Variants in GLYR1 observed in about 807,000 individuals in gnomAD.
The protein encoded by GLYR1 is glyoxylate reductase 1 homolog, also known as cytokine-like nuclear factor N-PAC.
A neutral mutation model predicts 72.7 loss-of-function variants in GLYR1; 21 were observed. That is an observed-to-expected ratio of 0.29 (90% CI 0.20 to 0.42). GLYR1 has a LOEUF of 0.42. Among genes scored for constraint, GLYR1 ranks in the 10% least tolerant of loss-of-function variants. The pLI, the probability that GLYR1 is intolerant of heterozygous loss-of-function variation, is 1.00. For synonymous variants in GLYR1, 392 were observed against 270.2 expected (o/e 1.45, Z -4.42); for missense variants, 594 against 712.1 (o/e 0.83, Z 1.89).
At chr16:4,817,986 A>C (rs1158073709) in intron 9 of GLYR1, 1 of 312,622 alleles carries the variant, frequency 3.2e-6, no homozygotes, top group African/African-American at 2.2e-5. Flanking sequence ...TCCCAGGGCA[A>C]AGTCCCCTTG....
Position 4,832,930 on chromosome 16 carries a change from C to CA in GLYR1, c.156-19dup. The CA allele has an allele frequency of 1.2e-6, 2 of 1,601,922 alleles. No homozygotes were observed. Among genetic ancestry groups the CA allele is most frequent in the East Asian group, 4.5e-5 (2 of 44,676 alleles). On this transcript the variant is annotated intron_variant, in intron 3 of 15. Transcript: ENST00000321919. ...TCCAGGCACTAGCAGAAAACAAACA[C>CA]AAAAAGGGTGTGAACCATATAGCAT...
In GLYR1 at chr16:4,832,154, TTTGGCCTAC is replaced by T; in HGVS notation, c.353_361del (p.Ser118_Pro120del). ...AAGTTTGCGCTTCTCATCACCTGAGTTTGGCCTACTTCTCTCCTCACTGGAATTACGTCG... is the reference window on the plus strand; with the variant it reads ...AAGTTTGCGCTTCTCATCACCTGAGTTTCTCTCCTCACTGGAATTACGTCG... On this transcript the variant is annotated inframe_deletion, in exon 5 of 16. Transcript: ENST00000321919. 1.2e-6 allele frequency: 2 copies of T among 1,614,178 alleles called. No individual in the cohort carries two copies. Among genetic ancestry groups the T allele is most frequent in the Non-Finnish European group, 1.7e-6 (2 of 1,180,028 alleles).
At chr16:4,815,138 C>T (rs757146370) in intron 10 of GLYR1, among the ~76,000 whole-genome samples, 1 of 151,802 alleles carries the variant, frequency 6.6e-6, no homozygotes, top group African/African-American at 2.4e-5. Context: ...CAAGGTTTTG[C>T]TCTGTCACCC....
At chr16:4,820,574 TAC>T (rs1339719423) in intron 9 of GLYR1, among the ~76,000 whole-genome samples, 1 of 152,170 alleles carries the variant, frequency 6.6e-6, no homozygotes, top group Non-Finnish European at 1.5e-5. Flanking sequence ...TCCTCCACTC[TAC>T]AGAGACAAGT....
At chr16:4,830,221 CT>C (rs35409655) in intron 5 of GLYR1, among the ~76,000 whole-genome samples, 3,866 of 123,528 alleles carry the variant, frequency 0.031, 105 homozygotes, top group African/African-American at 0.081. Flanking sequence ...CCAACTTTGT[CT>C]TTTTTTTTTT....
chr16:4,846,355 C>T (rs2086059156), intron 1 of GLYR1, 145 bp from the exon 2 acceptor site: 1 of 856,054 alleles, frequency 1.2e-6, no homozygotes, highest in Non-Finnish European at 2.0e-6. Context: ...GGCCCAACAC[C>T]CTCAGAAGTA....
chr16:4,843,364 A>G, intron 3 of GLYR1: 1 of 626,384 alleles, frequency 1.6e-6, no homozygotes, highest in Non-Finnish European at 2.2e-6. Flanking sequence ...CATGTTGGCC[A>G]GGATGGTCTC....
intron 3 of GLYR1, among the ~76,000 whole-genome samples, chr16:4,834,155 C>A (rs981526083): frequency 2.6e-5 from 4 of 152,188 alleles, no homozygotes; most frequent in African/African-American, 9.7e-5. Context: ...TGCAAAAACA[C>A]AGACCTGGGA....
intron 3 of GLYR1, among the ~76,000 whole-genome samples, chr16:4,838,891 CTCT>C (rs1430073803): frequency 1.3e-5 from 2 of 151,996 alleles, no homozygotes; most frequent in Non-Finnish European, 2.9e-5. Context: ...CTGGCCAAAA[CTCT>C]TCTTTTTTAA....
chr16:4,809,488 T>G (rs1200662771), intron 15 of GLYR1, among the ~76,000 whole-genome samples: 1 of 151,222 alleles, frequency 6.6e-6, no homozygotes, highest in Non-Finnish European at 1.5e-5. Context: ...GGCAGGCGCC[T>G]GCAGTCCCAG....
intron 9 of GLYR1, among the ~76,000 whole-genome samples, chr16:4,819,198 T>TG (rs140415513): frequency 0.01 from 1,547 of 152,082 alleles, 25 homozygotes; most frequent in African/African-American, 0.034. Context: ...AAAAGAGAGA[T>TG]GGGGGGGTCT....
chr16:4,810,731 A>T (rs1208735158), intron 15 of GLYR1, among the ~76,000 whole-genome samples: 120 of 142,568 alleles, frequency 8.4e-4, no homozygotes, highest in African/African-American at 2.9e-3. Flanking sequence ...AAAAAAAAAA[A>T]AATTAGCCGG....
intron 10 of GLYR1, among the ~76,000 whole-genome samples, chr16:4,817,276 C>T (rs1461440242): frequency 4.0e-5 from 6 of 151,798 alleles, no homozygotes; most frequent in South Asian, 2.1e-4. Context: ...CCCGCCACCA[C>T]GCCCGGCTAA....
intron 3 of GLYR1, chr16:4,840,470 G>A (rs1195732986): frequency 2.0e-5 from 3 of 152,186 alleles, no homozygotes; most frequent in African/African-American, 7.2e-5. Context: ...TTGGTAAAAA[G>A]AGCAAACCTG....
In GLYR1 at chr16:4,823,857, C is replaced by T. The variant is rs772879234; in HGVS notation, c.588G>A (p.Pro196=). The change falls in exon 6 of 16, where the codon CCG becomes CCA. Residue 196 remains proline (P), a synonymous_variant. Transcript: ENST00000321919. ...SSTVKGMMAG[P]MAAFKWQPTA... The stretch of plus-strand genomic sequence containing the variant: ...TTGGCTGCCATTTAAACGCGGCCAT[C>T]GGTCCGGCCATCATCCCCTTCACGG... 2.9e-5 allele frequency: 46 copies of T among 1,613,928 alleles called. No homozygotes were observed. Among genetic ancestry groups the T allele is most frequent in the African/African-American group, 4.0e-5 (3 of 74,902 alleles).
rs758201327 is a variant in GLYR1 at position 4,832,136 on chromosome 16, C to T, written c.380G>A (p.Arg127His). 23 of 1,614,088 alleles carry T rather than the reference C, an allele frequency of 1.4e-5. No individual in the cohort carries two copies. The highest frequency in any genetic ancestry group is 1.1e-4 in the South Asian group (10 of 91,088). ...CTTCCCTTCAGACAGGCTAAGTTTG[C>T]GCTTCTCATCACCTGAGTTTGGCCT... ...RSRPNSGDEKRKLSLSEGKVK... is the reference protein window; with the variant it reads ...RSRPNSGDEKHKLSLSEGKVK... Residue 127 changes from arginine to histidine, a missense_variant, in exon 5 of 16, where the codon CGC (arginine) becomes CAC (histidine). Arg to His is a conservative substitution (Grantham distance 29). Around this residue, in one of 5 missense-constraint regions of GLYR1, gnomAD observed 252 missense variants for 211.3 expected, o/e 1.19. Coordinates refer to ENST00000321919, the MANE Select transcript of GLYR1 (RefSeq NM_032569.4).
chr16:4,825,442 G>A lies in GLYR1; in HGVS notation c.538-1535C>T, dbSNP rs192769312. Among the ~76,000 whole-genome samples, 106 of 152,270 alleles carry A rather than the reference G, an allele frequency of 7.0e-4. 1 individual carries two copies. Among genetic ancestry groups the A allele is most frequent in the African/African-American group, 2.5e-3 (103 of 41,544 alleles). ...ACAGTTATCTCCTTGGCTCAGGCTC[G>A]CTTTGGGACTCTGCTGAAATGTCAC... On this transcript the variant is annotated intron_variant, in intron 5 of 15. Coordinates refer to ENST00000321919, the MANE Select transcript of GLYR1 (RefSeq NM_032569.4).
intron 3 of GLYR1, chr16:4,840,455 C>T (rs1317138802): frequency 6.6e-6 from 1 of 152,128 alleles, no homozygotes; most frequent in African/African-American, 2.4e-5. Context: ...GTACTCAAAG[C>T]CTTTTTGGTA....
chr16:4,814,100 A>C (rs930854), intron 11 of GLYR1: 2 of 378,406 alleles, frequency 5.3e-6, no homozygotes, highest in Admixed American at 4.2e-5. Context: ...TTAAAAGAAT[A>C]AACCTCAGCA....
Sources: allele counts gnomAD v4.1 joint callset (sites outside exome capture counted in the v4.1 genomes callset), GRCh38; gene constraint gnomAD v4.1.1; regional missense constraint gnomAD v4.1.1; transcripts MANE v1.5; gene names NCBI Gene and HGNC (gene_info 2026-07-23, HGNC 2026-07-21).